Variants in STAG1 observed in about 807,000 individuals in gnomAD.
The protein encoded by STAG1 is STAG1 cohesin complex component.
STAG1 carries 26 observed loss-of-function variants against 170.9 expected under a neutral mutation model. That is an observed-to-expected ratio of 0.15 (90% CI 0.11 to 0.21). The LOEUF is 0.21. STAG1 is among the 10% of genes least tolerant of loss of function. The probability of loss-of-function intolerance (pLI) is 1.00; values close to 1 mark genes in which losing one functional copy is unlikely to be tolerated. For missense variants in STAG1, 964 were observed against 1,509.5 expected (o/e 0.64, Z 5.99); for synonymous variants, 514 against 497.7 (o/e 1.03, Z -0.44).
intron 4 of STAG1, among the ~76,000 whole-genome samples, chr3:136,582,125 G>T (rs1338114914): frequency 6.7e-6 from 1 of 149,528 alleles, no homozygotes; most frequent in Non-Finnish European, 1.5e-5. Flanking sequence ...AGTGGAAGGT[G>T]CTAAGTGGAT....
chr3:136,436,522 T>A (rs2088467854), intron 15 of STAG1, among the ~76,000 whole-genome samples: 1 of 152,110 alleles, frequency 6.6e-6, no homozygotes, highest in Non-Finnish European at 1.5e-5. Context: ...GCTCAAGTGA[T>A]CCACCCACGT....
At chr3:136,609,927 A>G (rs1576663824) in intron 3 of STAG1, among the ~76,000 whole-genome samples, 1 of 152,208 alleles carries the variant, frequency 6.6e-6, no homozygotes, top group Non-Finnish European at 1.5e-5. Context: ...CAAAGCATAT[A>G]AAATGGCAAC....
chr3:136,706,723 C>T (rs1052246047), intron 1 of STAG1, among the ~76,000 whole-genome samples: 1 of 152,156 alleles, frequency 6.6e-6, no homozygotes, highest in African/African-American at 2.4e-5. Context: ...TCCTCAAACT[C>T]ATACAGAATT....
chr3:136,585,723 TG>T (rs1421631828), intron 4 of STAG1, among the ~76,000 whole-genome samples: 1 of 152,212 alleles, frequency 6.6e-6, no homozygotes, highest in Non-Finnish European at 1.5e-5. Flanking sequence ...TAAGAAATCC[TG>T]TACTGAGATC....
Position 136,666,865 on chromosome 3 carries a change from A to C in STAG1, c.-83-35884T>G, listed in dbSNP as rs961792938. Reference sequence around the variant, plus strand: ...TGTTTGATGCTAGGATTCAACTCCAAGTAGTGTGGCTTGTGCTCTTAAATG... The same window carrying C: ...TGTTTGATGCTAGGATTCAACTCCACGTAGTGTGGCTTGTGCTCTTAAATG... On this transcript the variant is annotated intron_variant, in intron 1 of 33. Coordinates refer to ENST00000383202, the MANE Select transcript of STAG1 (RefSeq NM_005862.3). 7.9e-5 allele frequency among the ~76,000 whole-genome samples: 12 copies of C among 152,158 alleles called. No homozygotes were observed. In the East Asian group the frequency reaches 2.3e-3, roughly 29 times the overall value.
At chr3:136,623,992 C>A (rs907169125) in intron 2 of STAG1, among the ~76,000 whole-genome samples, 1 of 152,152 alleles carries the variant, frequency 6.6e-6, no homozygotes, top group East Asian at 1.9e-4. Flanking sequence ...GGATACTTAG[C>A]ATATAATTTA....
At chr3:136,370,606 C>T (rs1937278256) in intron 23 of STAG1, among the ~76,000 whole-genome samples, 1 of 152,102 alleles carries the variant, frequency 6.6e-6, no homozygotes, top group Admixed American at 6.6e-5. Flanking sequence ...TGAGAACACG[C>T]AGTGTTTGGT....
intron 1 of STAG1, among the ~76,000 whole-genome samples, chr3:136,640,888 T>A (rs1432500996): frequency 6.6e-6 from 1 of 152,132 alleles, no homozygotes; most frequent in Non-Finnish European, 1.5e-5. Context: ...TTGGCCAGGC[T>A]GGTCTCCAAC....
intron 1 of STAG1, among the ~76,000 whole-genome samples, chr3:136,706,817 C>A (rs561119179): frequency 2.0e-5 from 3 of 152,126 alleles, no homozygotes; most frequent in Non-Finnish European, 4.4e-5. Context: ...AAATTTACTA[C>A]AAAGCCAAGG....
rs185296942 is a variant in STAG1 at position 136,411,716 on chromosome 3, C to T, written c.2196+6169G>A. Among the ~76,000 whole-genome samples, 139 of 152,094 alleles carry T rather than the reference C, an allele frequency of 9.1e-4. 1 individual carries two copies. The East Asian group carries it at 0.023, about 26-fold the overall frequency. On this transcript the variant is annotated intron_variant, in intron 21 of 33. Transcript: ENST00000383202. ...CTGTAATCCCAGCACTTTGGGAGGC[C>T]AAGGCAGGTGGATCACAAGGTCAGG... is the stretch of plus-strand genomic sequence containing the variant.
intron 1 of STAG1, among the ~76,000 whole-genome samples, chr3:136,712,325 C>T (rs1419033169): frequency 1.3e-5 from 2 of 152,002 alleles, no homozygotes; most frequent in African/African-American, 2.4e-5. Flanking sequence ...CTACAGAGAA[C>T]TTTTCTGCAC....
At chr3:136,627,013 T>C (rs761004915) in intron 2 of STAG1, among the ~76,000 whole-genome samples, 4 of 152,256 alleles carry the variant, frequency 2.6e-5, no homozygotes, top group African/African-American at 4.8e-5. Flanking sequence ...CAGGCAACTA[T>C]AGGAGCAGGT....
intron 1 of STAG1, among the ~76,000 whole-genome samples, chr3:136,653,174 A>G (rs1225322808): frequency 2.6e-5 from 4 of 152,070 alleles, no homozygotes; most frequent in Non-Finnish European, 5.9e-5. Flanking sequence ...CGGGAGGCTG[A>G]GGCAGGAGAA....
At chr3:136,456,167 C>G (rs2107783798) in intron 13 of STAG1, among the ~76,000 whole-genome samples, 1 of 152,230 alleles carries the variant, frequency 6.6e-6, no homozygotes, top group East Asian at 1.9e-4. Flanking sequence ...GCAACAGATC[C>G]AGAAAAACTG....
chr3:136,390,272 A>G (rs9851986), intron 22 of STAG1, among the ~76,000 whole-genome samples: 6,185 of 152,308 alleles, frequency 0.041, 164 homozygotes, highest in East Asian at 0.13. Context: ...TTCTAAATCG[A>G]AGATATTTAT....
At chr3:136,369,030 C>A in intron 24 of STAG1, 78 bp downstream of exon 24, 1 of 1,302,462 alleles carries the variant, frequency 7.7e-7, no homozygotes, top group Non-Finnish European at 1.0e-6. Flanking sequence ...ATTTTTAGAA[C>A]TGAATTTGTT....
chr3:136,551,428 A>ATGTTTT (rs1553744482), intron 5 of STAG1, among the ~76,000 whole-genome samples: 1 of 117,508 alleles, frequency 8.5e-6, no homozygotes, highest in Admixed American at 9.7e-5. Context: ...CATCTGGCTA[A>ATGTTTT]TTTTTTTTTT....
At chr3:136,709,612 G>T (rs955030993) in intron 1 of STAG1, among the ~76,000 whole-genome samples, 2 of 151,910 alleles carry the variant, frequency 1.3e-5, no homozygotes, top group East Asian at 1.9e-4. Context: ...GCATACACCC[G>T]TTGTCCCGGC....
chr3:136,651,863 G>C (rs1941230557), intron 1 of STAG1, among the ~76,000 whole-genome samples: 4 of 152,146 alleles, frequency 2.6e-5, no homozygotes, highest in African/African-American at 9.7e-5. Flanking sequence ...CCAAGGCAGG[G>C]GGTGGGGAGG....
Sources: gnomAD v4.1 joint callset for allele counts (sites outside exome capture counted in the v4.1 genomes callset) on GRCh38, gnomAD v4.1.1 for gene constraint, MANE v1.5 for transcripts, NCBI Gene and HGNC (gene_info 2026-07-23, HGNC 2026-07-21) for gene names.